Variants in BCL11A observed in about 807,000 individuals in gnomAD.
The protein encoded by BCL11A is BCL11 transcription factor A.
Under a neutral mutation model 55.9 loss-of-function variants are expected in BCL11A, and 2 were observed. The ratio of observed to expected loss-of-function variants is 0.04; its 90% CI spans 0.01 to 0.11. The LOEUF (loss-of-function observed/expected upper bound fraction) is 0.11. Among genes scored for constraint, BCL11A ranks in the 10% least tolerant of loss-of-function variants. The probability of loss-of-function intolerance (pLI) is 1.00; values close to 1 mark genes in which losing one functional copy is unlikely to be tolerated. For synonymous variants in BCL11A, 465 were observed against 473.4 expected (o/e 0.98, Z 0.23); for missense variants, 817 against 1,137.1 (o/e 0.72, Z 4.05).
chr2:60,460,930 G>A lies in BCL11A; in HGVS notation c.1982C>T (p.Ala661Val). The A allele has an allele frequency of 6.2e-7, 1 of 1,612,816 alleles. No individual in the cohort carries two copies. The highest frequency in any genetic ancestry group is 8.5e-7 in the Non-Finnish European group (1 of 1,180,000). ...NTENVYSQWLAGYAASRQLKD... is the reference protein window; with the variant it reads ...NTENVYSQWLVGYAASRQLKD... The stretch of plus-strand genomic sequence containing the variant: ...GAGCTGCCTGGAGGCCGCGTAGCCG[G>A]CGAGCCACTGCGAGTACACGTTCTC... The change falls in exon 4 of 4, where the codon GCC (alanine) becomes GTC (valine). Residue 661 changes from alanine (A) to valine (V), a missense_variant. By Grantham distance (64) the Ala-to-Val change is moderately conservative (BLOSUM62 0). This residue lies in a region of BCL11A where 379 missense variants were observed against 425.3 expected (regional missense o/e 0.89). Coordinates refer to ENST00000642384, the MANE Select transcript of BCL11A (RefSeq NM_022893.4).
intron 2 of BCL11A, among the ~76,000 whole-genome samples, chr2:60,478,967 T>C (rs1558630307): frequency 8.5e-6 from 1 of 118,208 alleles, no homozygotes; most frequent in Non-Finnish European, 2.1e-5. Flanking sequence ...CTTTGTTTTT[T>C]GTTTTTTTTT....
chr2:60,505,300 G>T (rs1195944576), intron 2 of BCL11A, among the ~76,000 whole-genome samples: 1 of 152,198 alleles, frequency 6.6e-6, no homozygotes, highest in African/African-American at 2.4e-5. Context: ...GGTGTCCTTT[G>T]GCACCCCATT....
At chr2:60,474,386 G>T (rs750626781) in intron 2 of BCL11A, among the ~76,000 whole-genome samples, 14 of 152,038 alleles carry the variant, frequency 9.2e-5, no homozygotes, top group Non-Finnish European at 1.9e-4. Flanking sequence ...TTGAAATGCA[G>T]ATTTCCCACT....
At chr2:60,533,132 C>T (rs1669530930) in intron 2 of BCL11A, 1 of 152,172 alleles carries the variant, frequency 6.6e-6, no homozygotes, top group Non-Finnish European at 1.5e-5. Flanking sequence ...GAGTATAAAG[C>T]ACAGCTCCTC....
At position 60,532,974 on chromosome 2, in the gene BCL11A, T is replaced by C. The variant is rs938330558; in HGVS notation, c.385+12997A>G. The C allele has an allele frequency of 3.9e-5, 6 of 152,372 alleles. No individual in the cohort carries two copies. In the East Asian group the frequency reaches 1.2e-3, roughly 29 times the overall value. 9.4% of individuals were successfully genotyped at this position (152,372 alleles called of 1,614,324 possible). A position where few individuals can be genotyped will look rare whatever the true frequency, so the allele number is the denominator to read the frequency against. Reference sequence around the variant, plus strand: ...TAGAATTATTTGTGTACTTGACATTTATACAGTTTCTCCATTATATAACAA... The same window carrying C: ...TAGAATTATTTGTGTACTTGACATTCATACAGTTTCTCCATTATATAACAA... On this transcript the variant is annotated intron_variant, in intron 2 of 3. Transcript: ENST00000642384.
At chr2:60,506,538 G>A (rs998549542) in intron 2 of BCL11A, among the ~76,000 whole-genome samples, 2 of 152,212 alleles carry the variant, frequency 1.3e-5, no homozygotes, top group African/African-American at 4.8e-5. Flanking sequence ...GCCGGCCCCA[G>A]CTGGCATGCT....
At chr2:60,543,555 G>A (rs752723536) in intron 2 of BCL11A, 21 of 152,198 alleles carry the variant, frequency 1.4e-4, no homozygotes, top group African/African-American at 4.8e-4. Flanking sequence ...GGGCCAGAGC[G>A]TCGGAATTTA....
chr2:60,458,900 T>A lies in BCL11A; in HGVS notation c.*1504A>T, dbSNP rs956609415. The A allele has an allele frequency of 7.7e-6, 8 of 1,032,738 alleles. No homozygotes were observed. The highest frequency in any genetic ancestry group is 1.7e-5 in the African/African-American group (1 of 59,280). 64.0% of individuals were successfully genotyped at this position (1,032,738 alleles called of 1,614,324 possible). A position where few individuals can be genotyped will look rare whatever the true frequency, so the allele number is the denominator to read the frequency against. On this transcript the variant is annotated 3_prime_UTR_variant, in exon 4 of 4. Coordinates refer to ENST00000642384, the MANE Select transcript of BCL11A (RefSeq NM_022893.4). ...TAAAAATAAAAACAATGAATCCTCT[T>A]CCATGTTAACACAAATAGCACACAG...
At chr2:60,452,677 G>T (rs1270323772), downstream of BCL11A, 5 of 1,604,390 alleles carry the variant, frequency 3.1e-6, no homozygotes, top group South Asian at 1.1e-5. Flanking sequence ...CTAGAAAGAG[G>T]TTGGAGACAG....
intron 3 of BCL11A, among the ~76,000 whole-genome samples, chr2:60,464,285 A>G (rs1005741707): frequency 4.6e-5 from 7 of 152,256 alleles, no homozygotes; most frequent in Admixed American, 2.0e-4. Context: ...TGACATTAGT[A>G]TCACATTATC....
intron 2 of BCL11A, among the ~76,000 whole-genome samples, chr2:60,482,049 A>T (rs1033170714): frequency 6.6e-6 from 1 of 152,208 alleles, no homozygotes; most frequent in Non-Finnish European, 1.5e-5. Context: ...TGGACCTAAC[A>T]TCCAGTTCAT....
chr2:60,522,284 A>G (rs2104566910), intron 2 of BCL11A: 1 of 152,318 alleles, frequency 6.6e-6, no homozygotes, highest in Non-Finnish European at 1.5e-5. Context: ...ACGTCATATC[A>G]TTTCATCAGT....
intron 2 of BCL11A, chr2:60,495,730 A>G (rs369441384): frequency 2.0e-5 from 3 of 152,340 alleles, no homozygotes; most frequent in African/African-American, 7.2e-5. Context: ...AAATATTCTC[A>G]ATGGGCCCTC....
intron 1 of BCL11A, among the ~76,000 whole-genome samples, chr2:60,552,193 G>GC (rs1558530215): frequency 6.6e-6 from 1 of 151,760 alleles, no homozygotes; most frequent in African/African-American, 2.4e-5. Flanking sequence ...GGTTGGCAGA[G>GC]CGTTTGGCTT....
At position 60,546,029 on chromosome 2, in the gene BCL11A, A is replaced by G. The variant is rs1420688435; in HGVS notation, c.327T>C (p.Asp109=). ...VEVGIQVTPE[D]DDCLSTSSRG... is the part of the protein sequence containing the mutation. ...TAGATGACGTTGATAAACAATCGTC[A>G]TCCTCTGGCGTGACCTGGATGCCAA... The change falls in exon 2 of 4, where the codon GAT becomes GAC. Residue 109 remains aspartate (D), a synonymous_variant. Transcript: ENST00000642384. The surrounding 1 kb of genome is among the most constrained non-coding windows in gnomAD (Gnocchi z 4.1). 4 of 1,614,220 alleles carry G rather than the reference A, an allele frequency of 2.5e-6. No homozygotes were observed. Among genetic ancestry groups the G allele is most frequent in the Non-Finnish European group, 3.4e-6 (4 of 1,180,038 alleles).
intron 2 of BCL11A, among the ~76,000 whole-genome samples, chr2:60,517,705 G>A (rs552927160): frequency 6.6e-6 from 1 of 152,354 alleles, no homozygotes. Flanking sequence ...CAGGCTCTGG[G>A]CCAAGTCTAC....
chr2:60,498,754 G>T (rs980019640), intron 2 of BCL11A, among the ~76,000 whole-genome samples: 1 of 152,184 alleles, frequency 6.6e-6, no homozygotes, highest in East Asian at 1.9e-4. Flanking sequence ...GTCCAAGTTC[G>T]TACAGACCCA....
In BCL11A at chr2:60,460,775, G is replaced by A. The variant is rs573416149; in HGVS notation, c.2137C>T (p.Arg713Cys). Residue 713 changes from arginine (R) to cysteine (C), a missense_variant, in exon 4 of 4, where the codon CGC becomes TGC. Physicochemically the swap from Arg to Cys is radical, Grantham distance 180. Transcript: ENST00000642384. The part of the protein sequence containing the change: ...PGELDGGISG[R>C]SGTGSGGSTP... ...CTCCCTCCACTTCCCGTGCCGCTGCGCCCCGAGATCCCTCCGTCCAGCTCC... is the reference window on the plus strand; with the variant it reads ...CTCCCTCCACTTCCCGTGCCGCTGCACCCCGAGATCCCTCCGTCCAGCTCC... 4 of 1,613,244 alleles carry A rather than the reference G, an allele frequency of 2.5e-6. No individual in the cohort carries two copies. The highest frequency in any genetic ancestry group is 2.5e-6 in the Non-Finnish European group (3 of 1,180,028).
chr2:60,460,883 C>T lies in BCL11A; in HGVS notation c.2029G>A (p.Gly677Arg), dbSNP rs1393873085. Residue 677 changes from glycine (G) to arginine (R), a missense_variant, in exon 4 of 4, where the codon GGA becomes AGA. By Grantham distance (125) the Gly-to-Arg change is moderately radical (BLOSUM62 -2). Coordinates refer to ENST00000642384, the MANE Select transcript of BCL11A (RefSeq NM_022893.4). ...GCAAAAGGCGATTGTCTGGAGTCTC[C>T]GAAGCTAAGGAAGGGATCTTTGAGC... The part of the protein sequence containing the change: ...RQLKDPFLSF[G>R]DSRQSPFASS... The T allele has an allele frequency of 3.7e-6, 6 of 1,613,124 alleles. No homozygotes were observed. Among genetic ancestry groups the T allele is most frequent in the Non-Finnish European group, 5.1e-6 (6 of 1,180,044 alleles).
Sources: gnomAD v4.1 joint callset for allele counts (sites outside exome capture counted in the v4.1 genomes callset) on GRCh38, gnomAD v4.1.1 for gene constraint, gnomAD v4.1.1 regional missense constraint, Gnocchi (gnomAD v3.1) non-coding constraint, MANE v1.5 for transcripts, NCBI Gene and HGNC (gene_info 2026-07-23, HGNC 2026-07-21) for gene names.